Variants in MALRD1 observed in about 807,000 individuals in gnomAD.
MALRD1 encodes the protein MAM and LDL-receptor class A domain-containing protein 1.
MALRD1 carries 247 observed loss-of-function variants against 242.1 expected under a neutral mutation model. The observed-to-expected ratio is 1.02, with a 90% CI of 0.92 to 1.13. The LOEUF (loss-of-function observed/expected upper bound fraction) is 1.13. MALRD1 is among the 50% of genes most tolerant of loss of function. The pLI is 0.00. For synonymous variants in MALRD1, 995 were observed against 866.6 expected (o/e 1.15, Z -2.60); for missense variants, 2,989 against 2,533.1 (o/e 1.18, Z -3.86).
intron 29 of MALRD1, among the ~76,000 whole-genome samples, chr10:19,476,207 A>G (rs1300528691): frequency 2.0e-5 from 3 of 152,110 alleles, no homozygotes; most frequent in Non-Finnish European, 2.9e-5. Flanking sequence ...ATGTGCTCCA[A>G]TGAGCTGCCC....
intron 25 of MALRD1, among the ~76,000 whole-genome samples, chr10:19,349,207 C>T (rs1407589260): frequency 6.6e-6 from 1 of 152,114 alleles, no homozygotes. Flanking sequence ...GTGATCTGCC[C>T]ACCTTGACCT....
chr10:19,140,526 G>GGTGT (rs778477235), intron 10 of MALRD1, among the ~76,000 whole-genome samples: 16 of 111,600 alleles, frequency 1.4e-4, no homozygotes, highest in Non-Finnish European at 2.2e-4. Flanking sequence ...AAACAAGTGG[G>GGTGT]GTGTGTGTGT....
intron 36 of MALRD1, among the ~76,000 whole-genome samples, chr10:19,655,037 AT>A (rs1357708567): frequency 6.6e-6 from 1 of 152,162 alleles, no homozygotes; most frequent in Non-Finnish European, 1.5e-5. Flanking sequence ...AACAAACACG[AT>A]GCAATTTGTC....
intron 38 of MALRD1, among the ~76,000 whole-genome samples, chr10:19,719,171 C>CATATATAT (rs1230730939): frequency 1.1e-4 from 8 of 69,598 alleles, no homozygotes; most frequent in African/African-American, 6.4e-4. Context: ...TATATATATA[C>CATATATAT]ATACATATAT....
In MALRD1 at chr10:19,305,885, AAT is replaced by A. The variant is rs904731460; in HGVS notation, c.3420-18057_3420-18056del. Among the ~76,000 whole-genome samples the A allele has an allele frequency of 4.3e-4, 56 of 130,606 alleles. 1 individual carries two copies. The South Asian group carries it at 6.4e-3, about 15-fold the overall frequency. The allele number at this position is 130,606 out of a possible 152,430, so 85.7% of individuals were successfully genotyped here. On this transcript the variant is annotated intron_variant, in intron 21 of 39. Transcript: ENST00000454679. ...ATACTATATATTATATAATATATAT[AAT>A]ATATATTATATATACTATATACTAT...
intron 14 of MALRD1, among the ~76,000 whole-genome samples, chr10:19,201,876 C>T (rs1227351130): frequency 6.6e-6 from 1 of 152,016 alleles, no homozygotes; most frequent in African/African-American, 2.4e-5. Flanking sequence ...AGTGCAGTGG[C>T]AGGATCTCAG....
chr10:19,213,062 T>G (rs1410036204), intron 18 of MALRD1, among the ~76,000 whole-genome samples: 2 of 152,170 alleles, frequency 1.3e-5, no homozygotes, highest in African/African-American at 2.4e-5. Context: ...TAGATTCTTT[T>G]GAAGAGCAGA....
At chr10:19,208,628 T>A (rs547262858) in intron 17 of MALRD1, among the ~76,000 whole-genome samples, 4 of 152,108 alleles carry the variant, frequency 2.6e-5, no homozygotes, top group Non-Finnish European at 5.9e-5. Flanking sequence ...TCAGGGTGCT[T>A]GTTAAAAATG....
At position 19,124,530 on chromosome 10, in the gene MALRD1, A is replaced by C. The variant is rs1837183267; in HGVS notation, c.803A>C (p.Gln268Pro). 3 of 1,233,694 alleles carry C rather than the reference A, an allele frequency of 2.4e-6. No homozygotes were observed. In the Admixed American group the frequency reaches 1.3e-4, roughly 52 times the overall value. The allele number at this position is 1,233,694 out of a possible 1,614,324, so 76.4% of individuals were successfully genotyped here. The change falls in exon 7 of 40, where the codon CAG becomes CCG. Residue 268 changes from glutamine to proline, a missense_variant. Gln to Pro is a moderately conservative substitution (Grantham distance 76, BLOSUM62 -1). Coordinates refer to ENST00000454679, the MANE Select transcript of MALRD1 (RefSeq NM_001142308.3). ...ATCTTTTTCTCCCGTTTAGTGTGTCAGGCCTGTGGGTTTGAATTTGACATG... is the reference window on the plus strand; with the variant it reads ...ATCTTTTTCTCCCGTTTAGTGTGTCCGGCCTGTGGGTTTGAATTTGACATG... ...DATDEELRLC[Q>P]ACGFEFDMCE...
intron 11 of MALRD1, among the ~76,000 whole-genome samples, chr10:19,154,551 C>T (rs952411904): frequency 6.6e-6 from 1 of 152,142 alleles, no homozygotes; most frequent in African/African-American, 2.4e-5. Context: ...TGAGCACATC[C>T]GTCGTAGTTA....
chr10:19,581,113 C>A (rs1023671766), intron 33 of MALRD1, among the ~76,000 whole-genome samples: 1 of 152,076 alleles, frequency 6.6e-6, no homozygotes, highest in African/African-American at 2.4e-5. Context: ...GACATAAGCA[C>A]AAAGTTATAA....
intron 21 of MALRD1, among the ~76,000 whole-genome samples, chr10:19,323,050 T>C (rs1362363324): frequency 6.6e-6 from 1 of 152,154 alleles, no homozygotes; most frequent in Non-Finnish European, 1.5e-5. Context: ...AAAAAAATCG[T>C]ATTTAATTGT....
chr10:19,103,982 G>A lies in MALRD1; in HGVS notation c.601G>A (p.Val201Ile). 8.1e-7 allele frequency: 1 copy of A among 1,233,302 alleles called. No individual in the cohort carries two copies. Among genetic ancestry groups the A allele is most frequent in the South Asian group, 4.1e-5 (1 of 24,392 alleles). The allele number at this position is 1,233,302 out of a possible 1,614,324, so 76.4% of individuals were successfully genotyped here. Residue 201 changes from valine (V) to isoleucine (I), a missense_variant, in exon 5 of 40, where the codon GTT (valine) becomes ATT (isoleucine). Transcript: ENST00000454679. ...KIQSSQRFQV[V>I]FEGQMASTYE... ...TTGTTTTGTTTTTCTGGTGCAGGTT[G>A]TTTTTGAAGGTCAAATGGCTTCAAC...
intron 14 of MALRD1, among the ~76,000 whole-genome samples, chr10:19,188,013 T>G (rs1188629833): frequency 6.6e-6 from 1 of 152,194 alleles, no homozygotes; most frequent in Non-Finnish European, 1.5e-5. Flanking sequence ...TAGGGTAGAA[T>G]CCTGTCATTC....
intron 29 of MALRD1, among the ~76,000 whole-genome samples, chr10:19,477,029 C>G (rs986539638): frequency 1.3e-5 from 2 of 152,076 alleles, no homozygotes; most frequent in African/African-American, 4.8e-5. Context: ...ACTCTTAGCT[C>G]TATATAATTC....
At chr10:19,111,369 G>C (rs1208837617) in intron 5 of MALRD1, among the ~76,000 whole-genome samples, 2 of 152,148 alleles carry the variant, frequency 1.3e-5, no homozygotes, top group African/African-American at 2.4e-5. Context: ...AGGTGGTGTG[G>C]AGAAGAAATT....
At chr10:19,689,424 C>T (rs561583969) in intron 36 of MALRD1, among the ~76,000 whole-genome samples, 7 of 152,180 alleles carry the variant, frequency 4.6e-5, no homozygotes, top group Admixed American at 2.6e-4. Context: ...ATAAACATCA[C>T]GTGACCATTT....
intron 19 of MALRD1, among the ~76,000 whole-genome samples, chr10:19,272,269 AT>A (rs1229690409): frequency 5.9e-5 from 9 of 151,598 alleles, no homozygotes; most frequent in South Asian, 2.1e-4. Flanking sequence ...AGGTCATTAA[AT>A]TTTTTTTTAT....
intron 28 of MALRD1, among the ~76,000 whole-genome samples, chr10:19,427,995 C>T (rs1445026666): frequency 6.6e-6 from 1 of 152,082 alleles, no homozygotes; most frequent in Non-Finnish European, 1.5e-5. Context: ...ATTTCCTGAG[C>T]TAGAAGCATC....
Sources: gnomAD v4.1 joint callset for allele counts (sites outside exome capture counted in the v4.1 genomes callset) on GRCh38, gnomAD v4.1.1 for gene constraint, MANE v1.5 for transcripts, NCBI Gene and HGNC (gene_info 2026-07-23, HGNC 2026-07-21) for gene names.